Variants in PPP4R3A observed in about 807,000 individuals in gnomAD.
PPP4R3A encodes protein phosphatase 4 regulatory subunit 3A.
PPP4R3A carries 15 observed loss-of-function variants against 91.7 expected under a neutral mutation model. That is an observed-to-expected ratio of 0.16 (90% CI 0.11 to 0.25). The LOEUF (loss-of-function observed/expected upper bound fraction) is 0.25, where lower values mean the gene tolerates loss of function less well. Among genes scored for constraint, PPP4R3A ranks in the 10% least tolerant of loss-of-function variants. The pLI, the probability that PPP4R3A is intolerant of heterozygous loss-of-function variation, is 1.00. For synonymous variants in PPP4R3A, 377 were observed against 348.7 expected (o/e 1.08, Z -0.91); for missense variants, 623 against 998.4 (o/e 0.62, Z 5.07).
Position 91,470,093 on chromosome 14 carries a change from G to C in PPP4R3A, c.1660+744C>G, listed in dbSNP as rs185187742. Among the ~76,000 whole-genome samples, 522 of 151,978 alleles carry C rather than the reference G, an allele frequency of 3.4e-3. 6 individuals are homozygous for C. The highest frequency in any genetic ancestry group is 0.011 in the African/African-American group (476 of 41,442). On this transcript the variant is annotated intron_variant, in intron 10 of 14. Coordinates refer to ENST00000554943, the MANE Select transcript of PPP4R3A (RefSeq NM_001366432.2). ...CTCAAACTTACCTTTAAAAACCAAA[G>C]GGCAAAAATTAAATTACCACCAGAA... is the stretch of plus-strand genomic sequence containing the variant.
chr14:91,495,128 T>C (rs1026481066), intron 1 of PPP4R3A, among the ~76,000 whole-genome samples: 3 of 152,110 alleles, frequency 2.0e-5, no homozygotes, highest in Non-Finnish European at 4.4e-5. Flanking sequence ...ACTTGTACAT[T>C]TATATTCACA....
rs370617203 is a variant in PPP4R3A at position 91,509,680 on chromosome 14, C to A, written c.-33G>T. On this transcript the variant is annotated 5_prime_UTR_variant, in exon 1 of 15. Coordinates refer to ENST00000554943, the MANE Select transcript of PPP4R3A (RefSeq NM_001366432.2). ...CCCGGGAACCGGGGCGGGGGCCCCG[C>A]CAGTAGACGCCCAGGAAAGGGGCCC... is the stretch of plus-strand genomic sequence containing the variant. 42 of 1,583,620 alleles carry A rather than the reference C, an allele frequency of 2.7e-5. No individual in the cohort carries two copies. In the Admixed American group the frequency reaches 3.1e-4, roughly 12 times the overall value.
At chr14:91,478,606 T>G (rs1889351693) in intron 4 of PPP4R3A, among the ~76,000 whole-genome samples, 1 of 152,210 alleles carries the variant, frequency 6.6e-6, no homozygotes, top group South Asian at 2.1e-4. Context: ...TCATACTTAA[T>G]GAATAAAACT....
rs558690599 is a variant in PPP4R3A, at chr14:91,500,997, G to A, written c.142+8509C>T. 8.5e-5 allele frequency among the ~76,000 whole-genome samples: 13 copies of A among 152,104 alleles called. No individual in the cohort carries two copies. In the South Asian group the frequency reaches 2.3e-3, roughly 27 times the overall value. On this transcript the variant is annotated intron_variant, in intron 1 of 14. Coordinates refer to ENST00000554943, the MANE Select transcript of PPP4R3A (RefSeq NM_001366432.2). ...CAATGAGCTATGATCACACCACTGC[G>A]CTCCAGCCTGGGTGAAAGACCAAGA...
intron 4 of PPP4R3A, 129 bp downstream of exon 4, chr14:91,481,447 C>T: frequency 2.1e-6 from 2 of 967,516 alleles, no homozygotes; most frequent in Non-Finnish European, 2.9e-6. Flanking sequence ...ATATTATAAT[C>T]TCTTAAAATA....
At chr14:91,487,149 C>A (rs1222206215) in intron 2 of PPP4R3A, among the ~76,000 whole-genome samples, 3 of 146,394 alleles carry the variant, frequency 2.0e-5, no homozygotes, top group African/African-American at 5.1e-5. Flanking sequence ...ACATGGGAGG[C>A]TGATGTGGGA....
At position 91,458,883 on chromosome 14, in the gene PPP4R3A, A is replaced by G; in HGVS notation, c.2392-14T>C. 6.3e-7 allele frequency: 1 copy of G among 1,585,308 alleles called. No individual in the cohort carries two copies. The stretch of plus-strand genomic sequence containing the variant: ...CACGAGGCCTCCCTGTTAAGAAATA[A>G]GGATTATTTAAAGAACAGAAAATAA... On this transcript the variant is annotated splice_polypyrimidine_tract_variant and intron_variant, in intron 14 of 14. Transcript: ENST00000554943.
intron 13 of PPP4R3A, 45 bp downstream of exon 13, chr14:91,462,004 G>T: frequency 6.9e-7 from 1 of 1,447,098 alleles, no homozygotes; most frequent in Non-Finnish European, 9.1e-7. Context: ...TAAATCTAGA[G>T]TAAGAAAGCC....
intron 1 of PPP4R3A, among the ~76,000 whole-genome samples, chr14:91,507,413 CTATATAA>C (rs1484595651): frequency 3.2e-5 from 3 of 95,118 alleles, no homozygotes; most frequent in African/African-American, 1.1e-4. Flanking sequence ...ATTATATATA[CTATATAA>C]TATATATACT....
At position 91,509,611 on chromosome 14, in the gene PPP4R3A, G is replaced by A. The variant is rs763429914; in HGVS notation, c.37C>T (p.Leu13Phe). The A allele has an allele frequency of 6.2e-7, 1 of 1,602,838 alleles. No homozygotes were observed. The highest frequency in any genetic ancestry group is 8.5e-7 in the Non-Finnish European group (1 of 1,179,474). Residue 13 changes from leucine (L) to phenylalanine (F), a missense_variant, in exon 1 of 15, where the codon CTC becomes TTC. Physicochemically the swap from Leu to Phe is conservative, Grantham distance 22 (BLOSUM62 0). Around this residue, in one of 5 missense-constraint regions of PPP4R3A, gnomAD observed 51 missense variants for 81.8 expected, o/e 0.62. Transcript: ENST00000554943. ...DTRRRVKVYT[L>F]NEDRQWDDRG... is the part of the protein sequence containing the mutation. ...TCGTCCCACTGCCGGTCCTCGTTGA[G>A]CGTGTACACCTTCACCCGCCGCCGG...
At chr14:91,496,583 T>G (rs1257619512) in intron 1 of PPP4R3A, among the ~76,000 whole-genome samples, 1 of 152,194 alleles carries the variant, frequency 6.6e-6, no homozygotes, top group East Asian at 1.9e-4. Flanking sequence ...CGTACTCCCT[T>G]CCAAAGTTCT....
Position 91,489,988 on chromosome 14 carries a change from T to C in PPP4R3A, c.198+759A>G, listed in dbSNP as rs142170076. On this transcript the variant is annotated intron_variant, in intron 2 of 14. Transcript: ENST00000554943. Reference sequence around the variant, plus strand: ...TTTCTAGTATTTTAAAGATCAATGATGAAGCAAAGCACTTTATGAACAAGC... The same window carrying C: ...TTTCTAGTATTTTAAAGATCAATGACGAAGCAAAGCACTTTATGAACAAGC... Among the ~76,000 whole-genome samples the C allele has an allele frequency of 1.4e-4, 21 of 152,212 alleles. 1 individual carries two copies. The highest frequency in any genetic ancestry group is 8.3e-4 in the South Asian group (4 of 4,808).
At chr14:91,462,634 T>C (rs1312589753) in intron 12 of PPP4R3A, 101 bp downstream of exon 12, 5 of 1,310,748 alleles carry the variant, frequency 3.8e-6, no homozygotes, top group Non-Finnish European at 5.4e-6. Context: ...ATCTGCTGAT[T>C]TCCCTGTTCC....
intron 14 of PPP4R3A, among the ~76,000 whole-genome samples, chr14:91,460,170 C>T (rs551179996): frequency 1.2e-4 from 19 of 152,160 alleles, no homozygotes; most frequent in African/African-American, 4.1e-4. Context: ...CGCCACCACA[C>T]GCGGCTAATG....
chr14:91,496,679 A>G (rs1174330228), intron 1 of PPP4R3A, among the ~76,000 whole-genome samples: 7 of 152,186 alleles, frequency 4.6e-5, no homozygotes, highest in Admixed American at 2.6e-4. Flanking sequence ...GTATCCCCTG[A>G]AACTCTCTTT....
intron 3 of PPP4R3A, among the ~76,000 whole-genome samples, chr14:91,482,708 A>T (rs981271865): frequency 3.3e-5 from 5 of 152,342 alleles, no homozygotes; most frequent in Admixed American, 2.0e-4. Context: ...TATAATTATA[A>T]GCAAAAAGGA....
chr14:91,472,368 G>A (rs1194083060), intron 9 of PPP4R3A, among the ~76,000 whole-genome samples: 1 of 148,964 alleles, frequency 6.7e-6, no homozygotes, highest in African/African-American at 2.5e-5. Flanking sequence ...CAGTGTAGAT[G>A]CAAACTGAAT....
At chr14:91,485,913 C>A (rs1417383392) in intron 2 of PPP4R3A, among the ~76,000 whole-genome samples, 183 bp from the exon 3 acceptor site, 3 of 152,114 alleles carry the variant, frequency 2.0e-5, no homozygotes, top group Non-Finnish European at 4.4e-5. Context: ...ATCTATAAAA[C>A]AAAAATAATG....
intron 1 of PPP4R3A, among the ~76,000 whole-genome samples, chr14:91,507,278 G>A (rs1005095378): frequency 1.3e-5 from 2 of 149,090 alleles, no homozygotes; most frequent in Non-Finnish European, 3.0e-5. Flanking sequence ...CCACGATGGT[G>A]CCATTGCACT....
Sources: allele counts gnomAD v4.1 joint callset (sites outside exome capture counted in the v4.1 genomes callset), GRCh38; gene constraint gnomAD v4.1.1; regional missense constraint gnomAD v4.1.1; transcripts MANE v1.5; gene names NCBI Gene and HGNC (gene_info 2026-07-23, HGNC 2026-07-21).